The following ANKMY1 variants were observed in gnomAD, a reference collection of about 807,000 sequenced individuals.
The protein encoded by ANKMY1 is ankyrin repeat and MYND domain containing 1.
In ANKMY1, 98 loss-of-function variants were observed where a neutral mutation model predicts 102.0. The ratio of observed to expected loss-of-function variants is 0.96; its 90% CI spans 0.82 to 1.14. The LOEUF (loss-of-function observed/expected upper bound fraction) is 1.14, where lower values mean the gene tolerates loss of function less well. ANKMY1 is among the 50% of genes most tolerant of loss of function. ANKMY1 has a pLI of 0.00. For missense variants in ANKMY1, 1,330 were observed against 1,347.6 expected (o/e 0.99, Z 0.20); for synonymous variants, 582 against 559.9 (o/e 1.04, Z -0.56).
chr2:240,506,257 G>A lies in ANKMY1; in HGVS notation c.2526+1303C>T, dbSNP rs576096169. On this transcript the variant is annotated intron_variant, in intron 13 of 17. Coordinates refer to ENST00000401804, the MANE Select transcript of ANKMY1 (RefSeq NM_001282771.3). This position sits in a 1 kb window ranked among gnomAD's most constrained non-coding sequence, Gnocchi z 4.9. The stretch of plus-strand genomic sequence containing the variant: ...CCCTGAGCTGCCTCTCCCGTCTCGC[G>A]TCCTTTCTCTATTTACTCAGACTTA... 2.6e-4 allele frequency among the ~76,000 whole-genome samples: 39 copies of A among 152,288 alleles called. No homozygotes were observed. Among genetic ancestry groups the A allele is most frequent in the Admixed American group, 4.6e-4 (7 of 15,306 alleles).
intron 4 of ANKMY1, among the ~76,000 whole-genome samples, chr2:240,546,586 A>T (rs1430636393): frequency 6.6e-6 from 1 of 152,186 alleles, no homozygotes; most frequent in Non-Finnish European, 1.5e-5. Flanking sequence ...AAGAGTCAAG[A>T]CCCATCAGTG....
At chr2:240,480,791 A>G in intron 17 of ANKMY1, 146 bp downstream of exon 17, 5 of 1,224,942 alleles carry the variant, frequency 4.1e-6, no homozygotes, top group Non-Finnish European at 5.6e-6. Flanking sequence ...CCACCTCCCA[A>G]CAGGCCGATC....
chr2:240,525,942 C>G (rs2083293035), intron 6 of ANKMY1, 93 bp from the exon 7 acceptor site: 2 of 1,462,070 alleles, frequency 1.4e-6, no homozygotes, highest in African/African-American at 2.8e-5. Context: ...ATGAGGCCAC[C>G]CTATGGCAGG....
At chr2:240,557,087 G>T (rs1237387577) in intron 2 of ANKMY1, 103 bp downstream of exon 2, 2 of 1,265,526 alleles carry the variant, frequency 1.6e-6, no homozygotes, top group African/African-American at 1.5e-5. Context: ...TTCTCAGGGA[G>T]TAACACAGTT....
At chr2:240,541,889 G>A (rs186529002) in intron 4 of ANKMY1, among the ~76,000 whole-genome samples, 99 of 151,864 alleles carry the variant, frequency 6.5e-4, no homozygotes, top group African/African-American at 2.3e-3. Flanking sequence ...AGTGCTCTTT[G>A]GGGTCTGGGG....
At chr2:240,523,000 T>C (rs1430692078) in intron 8 of ANKMY1, 1 of 152,098 alleles carries the variant, frequency 6.6e-6, no homozygotes, top group Non-Finnish European at 1.5e-5. Flanking sequence ...ATTCTTCCAA[T>C]CAAAAATGGG....
At chr2:240,482,416 C>T (rs1284207892) in intron 15 of ANKMY1, among the ~76,000 whole-genome samples, 155 bp from the exon 16 acceptor site, 1 of 152,200 alleles carries the variant, frequency 6.6e-6, no homozygotes, top group African/African-American at 2.4e-5. Flanking sequence ...ATAGTGGGTG[C>T]GAGGACGCAG....
Position 240,529,125 on chromosome 2 carries a change from G to A in ANKMY1, c.865C>T (p.Pro289Ser). 1.2e-6 allele frequency: 2 copies of A among 1,614,212 alleles called. No individual in the cohort carries two copies. Among genetic ancestry groups the A allele is most frequent in the South Asian group, 2.2e-5 (2 of 91,088 alleles). ...LDARIFLNEI[P>S]PFVEDGEPWF... is the part of the protein sequence containing the mutation. ...GGTTCTCCATCCTCAACGAACGGAG[G>A]AATTTCATTGAGGAAGATGCGGGCG... The change falls in exon 5 of 18, where the codon CCT becomes TCT. Residue 289 changes from proline to serine, a missense_variant. Coordinates refer to ENST00000401804, the MANE Select transcript of ANKMY1 (RefSeq NM_001282771.3). The surrounding 1 kb of genome is among the most constrained non-coding windows in gnomAD (Gnocchi z 4.2).
intron 9 of ANKMY1, among the ~76,000 whole-genome samples, chr2:240,517,357 C>T (rs545192165): frequency 3.9e-4 from 59 of 152,318 alleles, no homozygotes; most frequent in Middle Eastern, 3.4e-3. Flanking sequence ...CCAGGAACCT[C>T]AAGTTGTTTT....
At chr2:240,548,447 C>A (rs550608049) in intron 4 of ANKMY1, among the ~76,000 whole-genome samples, 1 of 152,084 alleles carries the variant, frequency 6.6e-6, no homozygotes, top group Non-Finnish European at 1.5e-5. Context: ...CCTTTGAAAA[C>A]GGGCACAAGA....
In ANKMY1 at chr2:240,520,736, G is replaced by A. The variant is rs893341637; in HGVS notation, c.1833-203C>T. The stretch of plus-strand genomic sequence containing the variant: ...AACTACACACAAGCCACACCAGAGC[G>A]CACACACACGGCACACACAGCACAC... On this transcript the variant is annotated intron_variant, in intron 8 of 17. Coordinates refer to ENST00000401804, the MANE Select transcript of ANKMY1 (RefSeq NM_001282771.3). This position sits in a 1 kb window ranked among gnomAD's most constrained non-coding sequence, Gnocchi z 4.8. 8.0e-5 allele frequency among the ~76,000 whole-genome samples: 12 copies of A among 149,626 alleles called. No homozygotes were observed. Among genetic ancestry groups the A allele is most frequent in the Admixed American group, 6.0e-4 (9 of 15,032 alleles).
At chr2:240,544,974 C>T (rs1278921459) in intron 4 of ANKMY1, among the ~76,000 whole-genome samples, 2 of 152,256 alleles carry the variant, frequency 1.3e-5, no homozygotes, top group Non-Finnish European at 2.9e-5. Context: ...GTAAACAAAG[C>T]AGCCGGGAAG....
chr2:240,552,101 C>T (rs574043035), intron 4 of ANKMY1, among the ~76,000 whole-genome samples: 1 of 152,246 alleles, frequency 6.6e-6, no homozygotes, highest in East Asian at 1.9e-4. Flanking sequence ...ATATATAAAC[C>T]CCTAGTTTTA....
chr2:240,544,434 T>C (rs1055253559), intron 4 of ANKMY1, among the ~76,000 whole-genome samples: 3 of 152,206 alleles, frequency 2.0e-5, no homozygotes, highest in Admixed American at 6.5e-5. Context: ...TAAAACCTGA[T>C]AGAACATTGG....
At chr2:240,500,163 C>T (rs748462818) in intron 14 of ANKMY1, 40 bp from the exon 15 acceptor site, 29 of 1,530,632 alleles carry the variant, frequency 1.9e-5, no homozygotes, top group East Asian at 2.4e-5. Context: ...GTCCCGGGCC[C>T]GCCCCTCACT....
intron 15 of ANKMY1, among the ~76,000 whole-genome samples, chr2:240,490,949 G>A (rs2076574249): frequency 6.6e-6 from 1 of 152,054 alleles, no homozygotes; most frequent in Non-Finnish European, 1.5e-5. Flanking sequence ...CATTATTATT[G>A]TATTGCAGTA....
chr2:240,518,293 C>A (rs1008106065), intron 9 of ANKMY1, among the ~76,000 whole-genome samples: 1 of 152,188 alleles, frequency 6.6e-6, no homozygotes. Flanking sequence ...CACTAGATCA[C>A]AGCATCTGGA....
At chr2:240,544,568 G>A (rs1230620339) in intron 4 of ANKMY1, among the ~76,000 whole-genome samples, 6 of 152,228 alleles carry the variant, frequency 3.9e-5, no homozygotes, top group Non-Finnish European at 7.3e-5. Context: ...GCAGAAGATG[G>A]GTGATTTCTG....
chr2:240,557,052 C>G, intron 2 of ANKMY1, 138 bp downstream of exon 2: 1 of 1,023,884 alleles, frequency 9.8e-7, no homozygotes, highest in Admixed American at 3.1e-5. Context: ...AGTGTTGAGG[C>G]TTTCAGATTT....
Sources: gnomAD v4.1 joint callset for allele counts (sites outside exome capture counted in the v4.1 genomes callset) on GRCh38, gnomAD v4.1.1 for gene constraint, Gnocchi (gnomAD v3.1) non-coding constraint, MANE v1.5 for transcripts, NCBI Gene and HGNC (gene_info 2026-07-23, HGNC 2026-07-21) for gene names.